TLL2: variants seen among roughly 807,000 people sequenced by gnomAD.
TLL2 encodes tolloid-like protein 2.
A neutral mutation model predicts 123.0 loss-of-function variants in TLL2; 106 were observed. That is an observed-to-expected ratio of 0.86 (90% confidence interval 0.74 to 1.01). The LOEUF is 1.01. Among genes scored for constraint, TLL2 ranks in the 50% least tolerant of loss-of-function variants. TLL2 has a pLI of 0.00. For synonymous variants in TLL2, 494 were observed against 516.8 expected (o/e 0.96, Z 0.60); for missense variants, 1,332 against 1,336.7 (o/e 1.00, Z 0.06).
chr10:96,460,138 A>T (rs1202355933), intron 2 of TLL2, among the ~76,000 whole-genome samples: 3 of 152,184 alleles, frequency 2.0e-5, no homozygotes, highest in Non-Finnish European at 4.4e-5. Flanking sequence ...AAAACAAACC[A>T]CTCATATAAG....
intron 5 of TLL2, among the ~76,000 whole-genome samples, chr10:96,423,590 C>A (rs1053001408): frequency 6.6e-6 from 1 of 152,006 alleles, no homozygotes; most frequent in Non-Finnish European, 1.5e-5. Flanking sequence ...TTTAACAAGG[C>A]CTCGGGGGAG....
chr10:96,392,745 C>A (rs2134061320), intron 13 of TLL2, among the ~76,000 whole-genome samples: 1 of 152,314 alleles, frequency 6.6e-6, no homozygotes, highest in African/African-American at 2.4e-5. Context: ...TACAGCTTGG[C>A]CTCTACAATC....
At chr10:96,511,849 G>T (rs902355067) in intron 1 of TLL2, among the ~76,000 whole-genome samples, 1 of 152,210 alleles carries the variant, frequency 6.6e-6, no homozygotes, top group Non-Finnish European at 1.5e-5. Flanking sequence ...TCTGACAAGT[G>T]GGGGAGGTGG....
intron 3 of TLL2, among the ~76,000 whole-genome samples, chr10:96,437,029 C>CT (rs1216919424): frequency 1.3e-5 from 2 of 151,980 alleles, no homozygotes; most frequent in African/African-American, 4.8e-5. Flanking sequence ...CCTCATATAG[C>CT]TTTTTTCTAT....
chr10:96,395,514 T>C, intron 12 of TLL2, 132 bp from the exon 13 acceptor site: 1 of 864,122 alleles, frequency 1.2e-6, no homozygotes, highest in Admixed American at 3.2e-5. Context: ...GTCCCAGGTC[T>C]CTCCATGCTG....
chr10:96,394,583 G>C (rs980836487), intron 13 of TLL2, among the ~76,000 whole-genome samples: 1 of 152,210 alleles, frequency 6.6e-6, no homozygotes, highest in Non-Finnish European at 1.5e-5. Context: ...CCGATCATGT[G>C]GGGGTAAGCA....
chr10:96,476,240 A>ATATATATTCT, intron 2 of TLL2, among the ~76,000 whole-genome samples: 1 of 20,502 alleles, frequency 4.9e-5, no homozygotes, highest in African/African-American at 1.7e-4. Flanking sequence ...ATATATATAT[A>ATATATATTCT]TTTTATTTTT....
At chr10:96,471,978 C>T (rs142748724) in intron 2 of TLL2, among the ~76,000 whole-genome samples, 54 of 152,250 alleles carry the variant, frequency 3.5e-4, no homozygotes, top group African/African-American at 1.2e-3. Context: ...GTCTGTGAAT[C>T]TCAAAATGTC....
intron 1 of TLL2, among the ~76,000 whole-genome samples, chr10:96,495,462 A>AC (rs1206408037): frequency 6.6e-6 from 1 of 152,190 alleles, no homozygotes; most frequent in Non-Finnish European, 1.5e-5. Flanking sequence ...CATTAAAGTG[A>AC]CCCACAGAGA....
intron 9 of TLL2, among the ~76,000 whole-genome samples, chr10:96,409,016 T>C (rs890087858): frequency 1.3e-5 from 2 of 152,254 alleles, no homozygotes; most frequent in Non-Finnish European, 2.9e-5. Context: ...CAATGGTTCC[T>C]AGTCATTTGT....
intron 7 of TLL2, among the ~76,000 whole-genome samples, chr10:96,415,555 T>C (rs1367368323): frequency 6.6e-6 from 1 of 151,590 alleles, no homozygotes; most frequent in Non-Finnish European, 1.5e-5. Flanking sequence ...GTTTTATCTC[T>C]GTCCTTAGAA....
chr10:96,434,859 A>G (rs930235373), intron 3 of TLL2, among the ~76,000 whole-genome samples: 6 of 152,086 alleles, frequency 3.9e-5, no homozygotes, highest in Admixed American at 6.6e-5. Context: ...GTGATTGTCA[A>G]TCTTTTTTAT....
intron 9 of TLL2, among the ~76,000 whole-genome samples, chr10:96,406,035 G>A (rs1325971772): frequency 6.6e-6 from 1 of 152,160 alleles, no homozygotes; most frequent in Non-Finnish European, 1.5e-5. Context: ...TTGTCATGAG[G>A]AGCATCTTGG....
intron 17 of TLL2, among the ~76,000 whole-genome samples, chr10:96,378,322 A>T (rs7080964): frequency 3.9e-5 from 6 of 152,234 alleles, no homozygotes; most frequent in Non-Finnish European, 8.8e-5. Context: ...AATGTTCGAA[A>T]TCCCTTCACT....
intron 3 of TLL2, among the ~76,000 whole-genome samples, chr10:96,442,608 G>A (rs921574238): frequency 3.0e-4 from 46 of 152,112 alleles, no homozygotes; most frequent in African/African-American, 9.4e-4. Context: ...TATCCGCTTC[G>A]AACAAACCAG....
In TLL2 at chr10:96,476,169, C is replaced by T. The variant is rs1258411732; in HGVS notation, c.286+4180G>A. On this transcript the variant is annotated intron_variant, in intron 2 of 20. Coordinates refer to ENST00000357947, the MANE Select transcript of TLL2 (RefSeq NM_012465.4). ...GCATCTAAGAATACATCTTCCCACA[C>T]ATTTGGAAGTAGGAAAAGAGGATAA... Among the ~76,000 whole-genome samples the T allele has an allele frequency of 2.0e-5, 3 of 147,726 alleles. No homozygotes were observed. The East Asian group carries it at 6.1e-4, about 30-fold the overall frequency.
Position 96,367,304 on chromosome 10 carries a change from C to G in TLL2, c.*784G>C, listed in dbSNP as rs1846037818. On this transcript the variant is annotated 3_prime_UTR_variant, in exon 21 of 21. Transcript: ENST00000357947. ...AGCACAGGTGGAGTCTTCTCAAAGT[C>G]AATGAATGAAAAAAATATCAGGACG... is the stretch of plus-strand genomic sequence containing the variant. The G allele has an allele frequency of 6.6e-6, 1 of 151,086 alleles. No individual in the cohort carries two copies. Among genetic ancestry groups the G allele is most frequent in the African/African-American group, 2.5e-5 (1 of 40,622 alleles). 9.4% of individuals were successfully genotyped at this position (151,086 alleles called of 1,614,324 possible). A position where few individuals can be genotyped will look rare whatever the true frequency, so the allele number is the denominator to read the frequency against.
rs769150060 is a variant in TLL2 at position 96,368,169 on chromosome 10, T to G, written c.2967A>C (p.Thr989=). ...AGDSLMIRFR[T]DDTINKKGFH... ...AGCCTTTCTTGTTGATGGTGTCATCTGTGCGGAATCGAATCATCAGGGAAT... is the reference window on the plus strand; with the variant it reads ...AGCCTTTCTTGTTGATGGTGTCATCGGTGCGGAATCGAATCATCAGGGAAT... Residue 989 remains threonine, a synonymous_variant, in exon 21 of 21, where the codon ACA becomes ACC. Transcript: ENST00000357947. 1.9e-6 allele frequency: 3 copies of G among 1,614,244 alleles called. No individual in the cohort carries two copies. In the African/African-American group the frequency reaches 4.0e-5, roughly 22 times the overall value.
intron 1 of TLL2, among the ~76,000 whole-genome samples, chr10:96,487,680 G>A (rs1431931774): frequency 3.3e-5 from 5 of 152,084 alleles, no homozygotes; most frequent in African/African-American, 4.8e-5. Flanking sequence ...TATTGGTCTC[G>A]TTCCACTTTT....
Sources: allele counts gnomAD v4.1 joint callset (sites outside exome capture counted in the v4.1 genomes callset), GRCh38; gene constraint gnomAD v4.1.1; transcripts MANE v1.5; gene names NCBI Gene and HGNC (gene_info 2026-07-23, HGNC 2026-07-21).